The following LAMB1 variants were observed in gnomAD, a reference collection of about 807,000 sequenced individuals.
LAMB1 encodes the protein laminin subunit beta-1.
In LAMB1, 121 loss-of-function variants were observed where a neutral mutation model predicts 222.3. The ratio of observed to expected loss-of-function variants is 0.54; its 90% CI spans 0.47 to 0.63. The LOEUF (loss-of-function observed/expected upper bound fraction) is 0.63, where lower values mean the gene tolerates loss of function less well. Among genes scored for constraint, LAMB1 ranks in the 30% least tolerant of loss-of-function variants. The pLI is 0.00. For synonymous variants in LAMB1, 794 were observed against 807.2 expected (o/e 0.98, Z 0.28); for missense variants, 2,172 against 2,240.8 (o/e 0.97, Z 0.62).
intron 24 of LAMB1, among the ~76,000 whole-genome samples, chr7:107,945,686 T>A (rs1027571471): frequency 6.6e-6 from 1 of 152,218 alleles, no homozygotes; most frequent in Non-Finnish European, 1.5e-5. Flanking sequence ...TCCCTTAACC[T>A]CTCTGAGTCT....
At chr7:107,964,418 G>A in intron 14 of LAMB1, 134 bp downstream of exon 14, 1 of 1,021,834 alleles carries the variant, frequency 9.8e-7, no homozygotes, top group Non-Finnish European at 1.5e-6. Flanking sequence ...AGGAAGGCAT[G>A]GTCCTGATCC....
intron 18 of LAMB1, 59 bp downstream of exon 18, chr7:107,960,386 G>A (rs2033471744): frequency 1.5e-6 from 2 of 1,341,596 alleles, no homozygotes; most frequent in South Asian, 2.4e-5. Flanking sequence ...TGTACTTCAT[G>A]TGCCAGATAT....
chr7:107,973,362 C>A (rs1015885484), intron 12 of LAMB1, among the ~76,000 whole-genome samples: 3 of 152,152 alleles, frequency 2.0e-5, no homozygotes, highest in African/African-American at 7.2e-5. Flanking sequence ...AGTAAAGATA[C>A]CAATTTTCCT....
At chr7:108,001,754 A>G (rs762460710) in intron 2 of LAMB1, 21 bp from the exon 3 acceptor site, 1 of 1,611,402 alleles carries the variant, frequency 6.2e-7, no homozygotes, top group East Asian at 2.2e-5. Context: ...GACAGGCAAC[A>G]GAGTTGGGGG....
At chr7:107,945,687 CTCTGAG>C (rs1205528750) in intron 24 of LAMB1, among the ~76,000 whole-genome samples, 3 of 152,246 alleles carry the variant, frequency 2.0e-5, no homozygotes, top group Non-Finnish European at 4.4e-5. Context: ...CCCTTAACCT[CTCTGAG>C]TCTGAGATTA....
At chr7:107,934,199 G>A (rs1445363756) in intron 27 of LAMB1, among the ~76,000 whole-genome samples, 1 of 152,068 alleles carries the variant, frequency 6.6e-6, no homozygotes, top group Non-Finnish European at 1.5e-5. Flanking sequence ...AGTTTCAGAA[G>A]ATAATGAGTA....
chr7:107,924,022 G>A lies in LAMB1; in HGVS notation c.5290C>T (p.Leu1764=). The A allele has an allele frequency of 6.3e-7, 1 of 1,595,510 alleles. No individual in the cohort carries two copies. The highest frequency in any genetic ancestry group is 8.5e-7 in the Non-Finnish European group (1 of 1,175,496). ...AGGAGTGAACGGACTTCTCCTTCCA[G>A]TCTTGCTAATTCTTGAGCTTTATCT... The part of the protein sequence containing the change: ...LEDKAQELAR[L]EGEVRSLLKD... Residue 1764 remains leucine, a synonymous_variant, in exon 34 of 34, where the codon CTG becomes TTG. Coordinates refer to ENST00000222399, the MANE Select transcript of LAMB1 (RefSeq NM_002291.3).
At chr7:107,959,646 G>T in intron 19 of LAMB1, 45 bp downstream of exon 19, 1 of 1,614,204 alleles carries the variant, frequency 6.2e-7, no homozygotes, top group Non-Finnish European at 8.5e-7. Context: ...CACAATGGCT[G>T]AGTTAATCTG....
At position 107,926,283 on chromosome 7, in the gene LAMB1, A is replaced by G. The variant is rs2032563121; in HGVS notation, c.4964T>C (p.Val1655Ala). 9 of 1,613,870 alleles carry G rather than the reference A, an allele frequency of 5.6e-6. No homozygotes were observed. Among genetic ancestry groups the G allele is most frequent in the Non-Finnish European group, 7.6e-6 (9 of 1,179,880 alleles). Residue 1655 changes from valine to alanine, a missense_variant, in exon 32 of 34, where the codon GTG becomes GCG. By Grantham distance (64) the Val-to-Ala change is moderately conservative. Transcript: ENST00000222399. ...SQRISELERN[V>A]EELKRKAAQN... The stretch of plus-strand genomic sequence containing the variant: ...GGCAGCTTTCCGCTTAAGTTCTTCC[A>G]CATTCCTCTCTAACTCGCTGATGCG...
At chr7:107,925,294 A>G (rs577869558) in intron 32 of LAMB1, among the ~76,000 whole-genome samples, 1 of 152,294 alleles carries the variant, frequency 6.6e-6, no homozygotes, top group African/African-American at 2.4e-5. Flanking sequence ...CTGGGTGGGC[A>G]GGCAAGTATT....
chr7:107,938,621 T>G (rs553757825), intron 25 of LAMB1, among the ~76,000 whole-genome samples: 2 of 152,302 alleles, frequency 1.3e-5, no homozygotes, highest in African/African-American at 4.8e-5. Flanking sequence ...TGGCAGGCTC[T>G]CAAAGGACAC....
At chr7:107,941,387 C>G (rs905598085) in intron 24 of LAMB1, among the ~76,000 whole-genome samples, 4 of 152,228 alleles carry the variant, frequency 2.6e-5, no homozygotes, top group Non-Finnish European at 4.4e-5. Context: ...TGAGGAAAGA[C>G]AGGAATAAAT....
rs1176051880 is a variant in LAMB1 at position 107,924,258 on chromosome 7, T to G, written c.5196A>C (p.Gln1732His). 2.5e-6 allele frequency: 4 copies of G among 1,611,994 alleles called. No homozygotes were observed. The South Asian group carries it at 4.4e-5, about 18-fold the overall frequency. ...TGAGCAGTTGCAGCTTGCTATTTGC[T>G]TGAGCTAAAAGAGTTTTTGCTTCAT... ...LQNEAKTLLA[Q>H]ANSKLQLLKD... is the part of the protein sequence containing the mutation. Residue 1732 changes from glutamine to histidine, a missense_variant, in exon 33 of 34, where the codon CAA becomes CAC. Transcript: ENST00000222399.
intron 2 of LAMB1, 66 bp downstream of exon 2, chr7:108,002,783 G>C: frequency 1.2e-6 from 2 of 1,609,302 alleles, no homozygotes; most frequent in Admixed American, 1.7e-5. Context: ...TGAGCAAGCA[G>C]CTTTTGGGTT....
At chr7:107,944,612 C>A (rs1187828196) in intron 24 of LAMB1, among the ~76,000 whole-genome samples, 3 of 152,192 alleles carry the variant, frequency 2.0e-5, no homozygotes, top group Non-Finnish European at 4.4e-5. Flanking sequence ...CATGTGCTTC[C>A]TTCCCTGGCT....
chr7:107,937,246 C>G lies in LAMB1; in HGVS notation c.3793G>C (p.Ala1265Pro). Residue 1265 changes from alanine to proline, a missense_variant, in exon 26 of 34, where the codon GCT becomes CCT. By Grantham distance (27) the Ala-to-Pro change is conservative (BLOSUM62 -1). Coordinates refer to ENST00000222399, the MANE Select transcript of LAMB1 (RefSeq NM_002291.3). ...TCAGATAATTTCACTTCTACTTGAG[C>G]CATCATTTCTGTAACATCTTTAATC... Reference protein sequence around the residue: ...KLIKDVTEMMAQVEVKLSDTT... With the variant: ...KLIKDVTEMMPQVEVKLSDTT... 3 of 1,613,750 alleles carry G rather than the reference C, an allele frequency of 1.9e-6. No individual in the cohort carries two copies. The South Asian group carries it at 3.3e-5, about 18-fold the overall frequency.
intron 13 of LAMB1, among the ~76,000 whole-genome samples, chr7:107,970,610 A>G (rs916638611): frequency 6.6e-6 from 1 of 152,124 alleles, no homozygotes. Context: ...GTTATTAAAC[A>G]TTTACAAGTA....
chr7:107,924,245 G>C lies in LAMB1; in HGVS notation c.5209C>G (p.Leu1737Val). The part of the protein sequence containing the change: ...KTLLAQANSK[L>V]QLLKDLERKY... ...AAAGACCCACCTTTGAGCAGTTGCA[G>C]CTTGCTATTTGCTTGAGCTAAAAGA... Residue 1737 changes from leucine (L) to valine (V), a missense_variant, in exon 33 of 34, where the codon CTG becomes GTG. Leu to Val is a conservative substitution (Grantham distance 32). Coordinates refer to ENST00000222399, the MANE Select transcript of LAMB1 (RefSeq NM_002291.3). 2 of 1,609,742 alleles carry C rather than the reference G, an allele frequency of 1.2e-6. No homozygotes were observed. Among genetic ancestry groups the C allele is most frequent in the Non-Finnish European group, 1.7e-6 (2 of 1,178,750 alleles).
chr7:107,986,078 A>AAGCAGG lies in LAMB1; in HGVS notation c.619_620insCCTGCT (p.Ile206_Phe207insSerCys), dbSNP rs1469884880. 1.2e-6 allele frequency: 2 copies of AAGCAGG among 1,612,494 alleles called. No homozygotes were observed. The highest frequency in any genetic ancestry group is 1.7e-6 in the Non-Finnish European group (2 of 1,178,626). On this transcript the variant is annotated inframe_insertion, in exon 7 of 34. Transcript: ENST00000222399. Reference sequence around the variant, plus strand: ...TTTGAAAGCAGGATCTAAAGCACGAAATATCACCTAAAAATGGAAACAAGA... The same window carrying AAGCAGG: ...TTTGAAAGCAGGATCTAAAGCACGAAAGCAGGATATCACCTAAAAATGGAAACAAGA...
Sources: allele counts gnomAD v4.1 joint callset (sites outside exome capture counted in the v4.1 genomes callset), GRCh38; gene constraint gnomAD v4.1.1; transcripts MANE v1.5; gene names NCBI Gene and HGNC (gene_info 2026-07-23, HGNC 2026-07-21).